The following ETF1 variants were observed in gnomAD, a reference collection of about 807,000 sequenced individuals.
The protein encoded by ETF1 is eukaryotic peptide chain release factor subunit 1.
A neutral mutation model predicts 55.1 loss-of-function variants in ETF1; 4 were observed. That is an observed-to-expected ratio of 0.07 (90% CI 0.04 to 0.17). ETF1 has a LOEUF of 0.17. Among genes scored for constraint, ETF1 ranks in the 10% least tolerant of loss-of-function variants. ETF1 has a pLI of 1.00. For synonymous variants in ETF1, 157 were observed against 182.3 expected, an observed-to-expected ratio of 0.86 and a Z score of 1.12; for missense variants, 142 against 523.6, an observed-to-expected ratio of 0.27 and a Z score of 7.11.
chr5:138,530,808 G>A (rs906234795), intron 2 of ETF1, among the ~76,000 whole-genome samples: 2 of 152,200 alleles, frequency 1.3e-5, no homozygotes, highest in African/African-American at 4.8e-5. Flanking sequence ...CAAGTGATCT[G>A]TCTGCCTTGG....
chr5:138,539,506 C>G (rs1207469160), intron 2 of ETF1, among the ~76,000 whole-genome samples: 1 of 152,222 alleles, frequency 6.6e-6, no homozygotes, highest in East Asian at 1.9e-4. Context: ...GAACTACCAT[C>G]AACTTTAAGT....
intron 2 of ETF1, chr5:138,541,638 G>A: frequency 1.3e-6 from 2 of 1,520,100 alleles, no homozygotes; most frequent in Non-Finnish European, 1.8e-6. Context: ...ACAATCCTGG[G>A]CTGGAAACCA....
At chr5:138,517,160 G>T (rs1765053856) in intron 4 of ETF1, among the ~76,000 whole-genome samples, 1 of 152,090 alleles carries the variant, frequency 6.6e-6, no homozygotes, top group Non-Finnish European at 1.5e-5. Flanking sequence ...CACGAGGTCA[G>T]GAGTCTGAGA....
chr5:138,518,004 C>G, intron 3 of ETF1: 1 of 337,898 alleles, frequency 3.0e-6, no homozygotes, highest in Non-Finnish European at 4.2e-6. Context: ...GAATTCAAGA[C>G]CAACCTGGCC....
intron 2 of ETF1, among the ~76,000 whole-genome samples, chr5:138,531,118 T>C (rs1022506848): frequency 5.9e-5 from 9 of 152,222 alleles, no homozygotes; most frequent in African/African-American, 2.2e-4. Flanking sequence ...GCATATGGAA[T>C]GTGTTTAGGT....
At chr5:138,528,305 C>T (rs1026839042) in intron 2 of ETF1, among the ~76,000 whole-genome samples, 1 of 152,168 alleles carries the variant, frequency 6.6e-6, no homozygotes, top group Non-Finnish European at 1.5e-5. Context: ...TGCCTTACAG[C>T]AACCCTTCAA....
At chr5:138,536,632 T>C (rs921807161) in intron 2 of ETF1, among the ~76,000 whole-genome samples, 1 of 152,216 alleles carries the variant, frequency 6.6e-6, no homozygotes, top group Non-Finnish European at 1.5e-5. Context: ...CCCTAGAGAA[T>C]AGGCTGGACT....
intron 2 of ETF1, chr5:138,541,750 C>A: frequency 2.3e-6 from 2 of 888,552 alleles, no homozygotes; most frequent in South Asian, 4.2e-5. Context: ...TAATAATGTT[C>A]CAAACACTTT....
chr5:138,508,823 GGA>G lies in ETF1; in HGVS notation c.1084-9_1084-8del, dbSNP rs1764651918. The G allele has an allele frequency of 1.2e-6, 2 of 1,612,482 alleles. No individual in the cohort carries two copies. The highest frequency in any genetic ancestry group is 1.7e-6 in the Non-Finnish European group (2 of 1,179,220). ...GCTCATGTTCCTGTCCGGTCTACAG[GGA>G]TGACCATGAGATACAAAAATGGGGG... is the stretch of plus-strand genomic sequence containing the variant. On this transcript the variant is annotated splice_polypyrimidine_tract_variant and splice_region_variant and intron_variant, in intron 9 of 10. Coordinates refer to ENST00000360541, the MANE Select transcript of ETF1 (RefSeq NM_004730.4).
intron 2 of ETF1, among the ~76,000 whole-genome samples, chr5:138,521,535 T>A (rs189909018): frequency 6.6e-6 from 1 of 152,312 alleles, no homozygotes; most frequent in Non-Finnish European, 1.5e-5. Flanking sequence ...CTTATTTATT[T>A]ATTTTTTTTA....
At chr5:138,514,582 T>A (rs1412030691) in intron 4 of ETF1, among the ~76,000 whole-genome samples, 1 of 151,962 alleles carries the variant, frequency 6.6e-6, no homozygotes, top group African/African-American at 2.4e-5. Context: ...TTTTTTTTTT[T>A]TTGAGACAGG....
intron 2 of ETF1, among the ~76,000 whole-genome samples, chr5:138,527,515 A>C (rs537784434): frequency 3.9e-5 from 6 of 152,332 alleles, no homozygotes; most frequent in Non-Finnish European, 2.9e-5. Context: ...GAGTTATGTC[A>C]AACTCTACAT....
At chr5:138,517,874 T>A (rs774263491) in intron 3 of ETF1, 174 bp from the exon 4 acceptor site, 36 of 985,122 alleles carry the variant, frequency 3.7e-5, no homozygotes, top group Non-Finnish European at 4.2e-5. Flanking sequence ...TTTTAAAACT[T>A]CTTCTGAGAC....
chr5:138,508,814 G>C lies in ETF1; in HGVS notation c.1086C>G (p.Thr362=), dbSNP rs115743315. 2 of 1,613,708 alleles carry C rather than the reference G, an allele frequency of 1.2e-6. No individual in the cohort carries two copies. The highest frequency in any genetic ancestry group is 1.7e-6 in the Non-Finnish European group (2 of 1,179,848). The change falls in exon 10 of 11, where the codon ACC becomes ACG. Residue 362 remains threonine, a splice_region_variant and synonymous_variant. Coordinates refer to ENST00000360541, the MANE Select transcript of ETF1 (RefSeq NM_004730.4). ...TCTCGATAAGCTCATGTTCCTGTCCGGTCTACAGGGATGACCATGAGATAC... is the reference window on the plus strand; with the variant it reads ...TCTCGATAAGCTCATGTTCCTGTCCCGTCTACAGGGATGACCATGAGATAC... ...KDKSHFTDKE[T]GQEHELIESM... is the part of the protein sequence containing the mutation.
chr5:138,537,434 C>T (rs1171877852), intron 2 of ETF1, among the ~76,000 whole-genome samples: 1 of 152,118 alleles, frequency 6.6e-6, no homozygotes, highest in African/African-American at 2.4e-5. Flanking sequence ...ACCACCTAAT[C>T]CAAGATTAAT....
intron 2 of ETF1, among the ~76,000 whole-genome samples, chr5:138,522,125 T>C (rs1406590152): frequency 1.3e-5 from 2 of 152,118 alleles, no homozygotes; most frequent in African/African-American, 2.4e-5. Flanking sequence ...TTTTTTTTAC[T>C]TCTCTAATCA....
intron 2 of ETF1, 155 bp downstream of exon 2, chr5:138,542,678 C>T: frequency 1.4e-6 from 2 of 1,449,388 alleles, no homozygotes; most frequent in Non-Finnish European, 1.8e-6. Flanking sequence ...CCGCGCCGAC[C>T]CTCGCCCCTG....
intron 2 of ETF1, among the ~76,000 whole-genome samples, chr5:138,521,730 A>G (rs901935561): frequency 6.6e-6 from 1 of 152,014 alleles, no homozygotes; most frequent in African/African-American, 2.4e-5. Flanking sequence ...GGGTTTCACC[A>G]TGTTGGCCAG....
chr5:138,535,827 A>T (rs1468487252), intron 2 of ETF1, among the ~76,000 whole-genome samples: 3 of 129,956 alleles, frequency 2.3e-5, no homozygotes, highest in Non-Finnish European at 3.1e-5. Flanking sequence ...GTAAGCTGAG[A>T]TCGCACCACT....
Sources: allele counts gnomAD v4.1 joint callset (sites outside exome capture counted in the v4.1 genomes callset), GRCh38; gene constraint gnomAD v4.1.1; transcripts MANE v1.5; gene names NCBI Gene and HGNC (gene_info 2026-07-23, HGNC 2026-07-21).